The following MAGI2 variants were observed in gnomAD, a reference collection of about 807,000 sequenced individuals.
The protein encoded by MAGI2 is membrane-associated guanylate kinase, WW and PDZ domain-containing protein 2.
A neutral mutation model predicts 133.3 loss-of-function variants in MAGI2; 35 were observed. That is an observed-to-expected ratio of 0.26 (90% CI 0.20 to 0.35). The LOEUF (loss-of-function observed/expected upper bound fraction) is 0.35, where lower values mean the gene tolerates loss of function less well. Ranked by LOEUF, MAGI2 falls within the 10% of genes least tolerant of loss-of-function variation. The pLI is 1.00. For missense variants in MAGI2, 1,636 were observed against 1,863.4 expected, an observed-to-expected ratio of 0.88 and a Z score of 2.25; for synonymous variants, 729 against 710.6, an observed-to-expected ratio of 1.03 and a Z score of -0.41.
At chr7:78,529,950 T>A (rs923670940) in intron 3 of MAGI2, among the ~76,000 whole-genome samples, 28 of 152,152 alleles carry the variant, frequency 1.8e-4, no homozygotes, top group Non-Finnish European at 3.2e-4. Context: ...TTTTATTATT[T>A]TAATACTAAG....
intron 2 of MAGI2, among the ~76,000 whole-genome samples, chr7:78,923,535 T>C (rs1799432659): frequency 6.6e-6 from 1 of 152,178 alleles, no homozygotes; most frequent in Admixed American, 6.5e-5. Context: ...AGGGCTCTGT[T>C]CTGTTCCATT....
chr7:78,305,517 T>C (rs1377026914), intron 9 of MAGI2, among the ~76,000 whole-genome samples: 1 of 152,164 alleles, frequency 6.6e-6, no homozygotes, highest in African/African-American at 2.4e-5. Context: ...AGATTTACCA[T>C]ACTCAATACA....
At chr7:78,969,585 GTTC>G (rs1803615985) in intron 2 of MAGI2, among the ~76,000 whole-genome samples, 1 of 151,946 alleles carries the variant, frequency 6.6e-6, no homozygotes, top group African/African-American at 2.4e-5. Flanking sequence ...AATTTCTCCA[GTTC>G]TTCTTTTTCT....
chr7:79,443,412 AAAAAC>A (rs1345400051), intron 1 of MAGI2, among the ~76,000 whole-genome samples: 5 of 152,166 alleles, frequency 3.3e-5, no homozygotes, highest in Non-Finnish European at 5.9e-5. Context: ...TCCTTCTTAA[AAAAAC>A]AAAACAAAAC....
At position 79,192,015 on chromosome 7, in the gene MAGI2, A is replaced by T. The variant is rs1369470458; in HGVS notation, c.302-184809T>A. Among the ~76,000 whole-genome samples the T allele has an allele frequency of 1.3e-5, 2 of 151,788 alleles. 1 individual carries two copies. The highest frequency in any genetic ancestry group is 4.9e-5 in the African/African-American group (2 of 41,234). On this transcript the variant is annotated intron_variant, in intron 1 of 21. Transcript: ENST00000354212. ...TTCAGTCCTATGGCTAGTTGAATTTATTGATATCTTTTTGCATGTACATAG... is the reference window on the plus strand; with the variant it reads ...TTCAGTCCTATGGCTAGTTGAATTTTTTGATATCTTTTTGCATGTACATAG...
At chr7:79,062,729 G>T (rs1042246634) in intron 1 of MAGI2, among the ~76,000 whole-genome samples, 2 of 152,074 alleles carry the variant, frequency 1.3e-5, no homozygotes, top group African/African-American at 4.8e-5. Context: ...CAGCGAGGAA[G>T]CTCCTTCCAC....
intron 2 of MAGI2, among the ~76,000 whole-genome samples, chr7:78,725,174 T>A (rs1402317361): frequency 1.3e-5 from 2 of 152,200 alleles, no homozygotes; most frequent in African/African-American, 4.8e-5. Flanking sequence ...GGTTAACAAT[T>A]TACGTCTTTT....
chr7:78,647,063 A>T (rs945471555), intron 2 of MAGI2, among the ~76,000 whole-genome samples: 1 of 152,194 alleles, frequency 6.6e-6, no homozygotes, highest in Non-Finnish European at 1.5e-5. Context: ...TGACCAAACA[A>T]TTCTATTTCT....
chr7:78,249,708 A>G (rs978760967), intron 10 of MAGI2, among the ~76,000 whole-genome samples: 2 of 152,040 alleles, frequency 1.3e-5, no homozygotes, highest in Non-Finnish European at 2.9e-5. Context: ...TGGGGAGGGT[A>G]GTGGGAAGGA....
At chr7:78,532,992 A>G (rs1166767613) in intron 3 of MAGI2, among the ~76,000 whole-genome samples, 1 of 151,402 alleles carries the variant, frequency 6.6e-6, no homozygotes, top group Non-Finnish European at 1.5e-5. Context: ...CCCAGGCTGG[A>G]GTGCAGTGGC....
intron 18 of MAGI2, among the ~76,000 whole-genome samples, chr7:78,128,561 G>C (rs1420295879): frequency 6.6e-6 from 1 of 151,988 alleles, no homozygotes; most frequent in East Asian, 1.9e-4. Context: ...ACCTTTAAAA[G>C]AGTCTGGATT....
chr7:79,427,280 T>C (rs1034381477), intron 1 of MAGI2, among the ~76,000 whole-genome samples: 56 of 152,146 alleles, frequency 3.7e-4, no homozygotes, highest in African/African-American at 1.4e-3. Context: ...AAAACCTAGA[T>C]GATGGGTTGA....
intron 2 of MAGI2, among the ~76,000 whole-genome samples, chr7:78,829,094 A>C (rs975464372): frequency 7.2e-5 from 11 of 152,280 alleles, no homozygotes; most frequent in Middle Eastern, 3.4e-3. Flanking sequence ...GTGCAGTTAC[A>C]AGACTGACAT....
At chr7:78,712,804 A>G (rs1290713513) in intron 2 of MAGI2, among the ~76,000 whole-genome samples, 1 of 152,188 alleles carries the variant, frequency 6.6e-6, no homozygotes, top group African/African-American at 2.4e-5. Context: ...TAAAGAATTG[A>G]GAGAAAAGCA....
chr7:78,886,854 C>T (rs1796311461), intron 2 of MAGI2, among the ~76,000 whole-genome samples: 1 of 152,138 alleles, frequency 6.6e-6, no homozygotes, highest in South Asian at 2.1e-4. Context: ...CAGTCCAAAT[C>T]TCATCTTGAA....
intron 3 of MAGI2, chr7:78,583,340 T>TAA: frequency 5.9e-6 from 1 of 170,192 alleles, no homozygotes; most frequent in Non-Finnish European, 1.3e-5. Context: ...CTACTAAAAA[T>TAA]AAAAAAAATT....
chr7:79,247,426 G>A (rs562225255), intron 1 of MAGI2, among the ~76,000 whole-genome samples: 4 of 152,108 alleles, frequency 2.6e-5, no homozygotes, highest in Middle Eastern at 3.4e-3. Context: ...AACAGTCTGG[G>A]CAAAATGGTG....
At chr7:78,768,079 CTTTTA>C (rs1825209156) in intron 2 of MAGI2, among the ~76,000 whole-genome samples, 1 of 152,166 alleles carries the variant, frequency 6.6e-6, no homozygotes, top group Non-Finnish European at 1.5e-5. Context: ...GATTGTGATT[CTTTTA>C]TATGTACACA....
chr7:78,735,176 T>A (rs1585234775), intron 2 of MAGI2, among the ~76,000 whole-genome samples: 1 of 152,232 alleles, frequency 6.6e-6, no homozygotes, highest in South Asian at 2.1e-4. Flanking sequence ...GCCATTTTTT[T>A]ACTGATATTT....
Sources: gnomAD v4.1 joint callset for allele counts (sites outside exome capture counted in the v4.1 genomes callset) on GRCh38, gnomAD v4.1.1 for gene constraint, MANE v1.5 for transcripts, NCBI Gene and HGNC (gene_info 2026-07-23, HGNC 2026-07-21) for gene names.